The following TMEM175 variants were observed in gnomAD, a reference collection of about 807,000 sequenced individuals.
TMEM175 encodes transmembrane protein 175.
TMEM175 carries 36 observed loss-of-function variants against 36.5 expected under a neutral mutation model. The observed-to-expected ratio is 0.99, with a 90% confidence interval of 0.76 to 1.30. The LOEUF (loss-of-function observed/expected upper bound fraction) is 1.30, where lower values mean the gene tolerates loss of function less well. TMEM175 is among the 50% of genes most tolerant of loss of function. The pLI is 0.00. For synonymous variants in TMEM175, 339 were observed against 313.4 expected, an observed-to-expected ratio of 1.08 and a Z score of -0.86; for missense variants, 705 against 692.8, an observed-to-expected ratio of 1.02 and a Z score of -0.20.
At chr4:949,788 G>A (rs1728636192) in intron 3 of TMEM175, among the ~76,000 whole-genome samples, 1 of 152,174 alleles carries the variant, frequency 6.6e-6, no homozygotes. Flanking sequence ...GTCCCTCGCA[G>A]CTTCCACAGA....
At chr4:948,190 C>G (rs1449594448) in intron 3 of TMEM175, 36 bp downstream of exon 3, 1 of 1,614,018 alleles carries the variant, frequency 6.2e-7, no homozygotes, top group East Asian at 2.2e-5. Context: ...TGGTGTGGCC[C>G]TGCGAAGATA....
intron 1 of TMEM175, among the ~76,000 whole-genome samples, chr4:941,330 C>T (rs1300344635): frequency 7.6e-5 from 10 of 131,618 alleles, no homozygotes; most frequent in African/African-American, 2.3e-4. Context: ...GAGCCGAGAT[C>T]GTGCCATTGC....
intron 4 of TMEM175, among the ~76,000 whole-genome samples, chr4:950,772 A>G (rs1002955339): frequency 3.3e-5 from 4 of 121,400 alleles, no homozygotes; most frequent in Non-Finnish European, 6.9e-5. Flanking sequence ...GACGGTGTGG[A>G]TGGTGCAGTA....
chr4:953,031 C>G (rs532544505), intron 7 of TMEM175, among the ~76,000 whole-genome samples, 159 bp from the exon 8 acceptor site: 2 of 151,860 alleles, frequency 1.3e-5, no homozygotes, highest in South Asian at 2.1e-4. Context: ...GGTCCTCCCC[C>G]ACCCCAAGAC....
intron 1 of TMEM175, among the ~76,000 whole-genome samples, chr4:939,873 G>A (rs1282660475): frequency 6.6e-6 from 1 of 152,144 alleles, no homozygotes; most frequent in Non-Finnish European, 1.5e-5. Flanking sequence ...CTAAAAGCTT[G>A]ATCCCATGAA....
At chr4:951,021 G>C (rs543922472) in intron 4 of TMEM175, among the ~76,000 whole-genome samples, 186 bp from the exon 5 acceptor site, 2 of 152,280 alleles carry the variant, frequency 1.3e-5, no homozygotes, top group South Asian at 4.1e-4. Context: ...TGGGAGCAGG[G>C]TGCTTTCTAG....
chr4:951,806 C>A, intron 6 of TMEM175, 89 bp downstream of exon 6: 1 of 1,375,630 alleles, frequency 7.3e-7, no homozygotes, highest in Admixed American at 1.7e-5. Context: ...GCTGGATGGC[C>A]CAGGGCCCAG....
intron 3 of TMEM175, among the ~76,000 whole-genome samples, chr4:949,452 G>A (rs1239972998): frequency 2.0e-5 from 3 of 152,198 alleles, no homozygotes; most frequent in Non-Finnish European, 4.4e-5. Flanking sequence ...TGTGTCCCAG[G>A]GAAGGTGCTA....
chr4:940,766 G>T (rs1454644596), intron 1 of TMEM175, among the ~76,000 whole-genome samples: 1 of 151,894 alleles, frequency 6.6e-6, no homozygotes, highest in Non-Finnish European at 1.5e-5. Context: ...CCAGCATTTT[G>T]GGAGGCTGAG....
chr4:951,446 C>T (rs1230328357), intron 5 of TMEM175, among the ~76,000 whole-genome samples, 188 bp downstream of exon 5: 7 of 152,160 alleles, frequency 4.6e-5, no homozygotes, highest in Non-Finnish European at 8.8e-5. Context: ...TATATCTCCT[C>T]CCAGACACAG....
At position 947,856 on chromosome 4, in the gene TMEM175, C is replaced by T. The variant is rs1191776691; in HGVS notation, c.117C>T (p.Phe39=). The stretch of plus-strand genomic sequence containing the variant: ...AGTGCTCCCAACGCATGCTCAGCTT[C>T]AGTGACGCCCTGCTGTCCATCATCG... ...GIQCSQRMLS[F]SDALLSIIAT... Residue 39 remains phenylalanine, a synonymous_variant, in exon 2 of 11, where the codon TTC becomes TTT. Transcript: ENST00000264771. The T allele has an allele frequency of 1.9e-6, 3 of 1,613,518 alleles. No individual in the cohort carries two copies. In the African/African-American group the frequency reaches 4.0e-5, roughly 22 times the overall value.
At chr4:938,598 A>G (rs1390381568) in intron 1 of TMEM175, among the ~76,000 whole-genome samples, 4 of 152,254 alleles carry the variant, frequency 2.6e-5, no homozygotes, top group African/African-American at 7.2e-5. Context: ...TGCAAAAATC[A>G]ATTCTATTTC....
chr4:937,991 G>T (rs1460486883), intron 1 of TMEM175, among the ~76,000 whole-genome samples: 2 of 147,920 alleles, frequency 1.4e-5, no homozygotes, highest in Admixed American at 6.7e-5. Flanking sequence ...ATCCATTACT[G>T]ATTTAAAAAA....
chr4:951,497 T>A, intron 5 of TMEM175, 185 bp from the exon 6 acceptor site: 2 of 825,410 alleles, frequency 2.4e-6, no homozygotes, highest in Non-Finnish European at 3.9e-6. Flanking sequence ...TGGGCACAGG[T>A]GTAGGGGACA....
At position 951,278 on chromosome 4, in the gene TMEM175, T is replaced by C. The variant is rs763497054; in HGVS notation, c.342+20T>C. 1.2e-6 allele frequency: 2 copies of C among 1,613,960 alleles called. No individual in the cohort carries two copies. The highest frequency in any genetic ancestry group is 1.7e-6 in the Non-Finnish European group (2 of 1,179,902). On this transcript the variant is annotated intron_variant, in intron 5 of 10. Coordinates refer to ENST00000264771, the MANE Select transcript of TMEM175 (RefSeq NM_032326.4). Reference sequence around the variant, plus strand: ...AACCTGGTGAGTATTTTCCGGTCCTTTTCTGGGGAGTGACTCTGGTCTGTA... The same window carrying C: ...AACCTGGTGAGTATTTTCCGGTCCTCTTCTGGGGAGTGACTCTGGTCTGTA...
At chr4:938,103 GA>G (rs1727002364) in intron 1 of TMEM175, among the ~76,000 whole-genome samples, 2 of 152,156 alleles carry the variant, frequency 1.3e-5, no homozygotes, top group African/African-American at 4.8e-5. Flanking sequence ...ATAAAAGACT[GA>G]ATGTTTTCCC....
chr4:950,557 T>C, intron 4 of TMEM175, 39 bp downstream of exon 4: 1 of 1,504,410 alleles, frequency 6.6e-7, no homozygotes, highest in Admixed American at 1.7e-5. Flanking sequence ...ATAGCTGCTC[T>C]CAAGGTTCCC....
chr4:936,224 A>T (rs1726759597), intron 1 of TMEM175, among the ~76,000 whole-genome samples: 1 of 151,586 alleles, frequency 6.6e-6, no homozygotes, highest in Non-Finnish European at 1.5e-5. Flanking sequence ...GCACGCCTGT[A>T]GTTCCGGCTA....
intron 10 of TMEM175, chr4:956,950 C>T (rs1729736795): frequency 6.1e-6 from 1 of 162,720 alleles, no homozygotes; most frequent in Admixed American, 6.3e-5. Flanking sequence ...TCATTGGCAT[C>T]TGATCTCTAA....
Sources: allele counts gnomAD v4.1 joint callset (sites outside exome capture counted in the v4.1 genomes callset), GRCh38; gene constraint gnomAD v4.1.1; transcripts MANE v1.5; gene names NCBI Gene and HGNC (gene_info 2026-07-23, HGNC 2026-07-21).